Variants in PRKCI observed in about 807,000 individuals in gnomAD.
PRKCI encodes the protein protein kinase C iota type.
Under a neutral mutation model 84.0 loss-of-function variants are expected in PRKCI, and 43 were observed. The observed-to-expected ratio is 0.51, with a 90% CI of 0.40 to 0.66. The LOEUF (loss-of-function observed/expected upper bound fraction) is 0.66. Ranked by LOEUF, PRKCI falls within the 30% of genes least tolerant of loss-of-function variation. PRKCI has a pLI of 0.00. For synonymous variants in PRKCI, 216 were observed against 234.4 expected (o/e 0.92, Z 0.72); for missense variants, 459 against 745.6 (o/e 0.62, Z 4.48).
chr3:170,282,687 ACT>A (rs1167518503), intron 11 of PRKCI, among the ~76,000 whole-genome samples: 6 of 143,828 alleles, frequency 4.2e-5, no homozygotes, highest in East Asian at 2.1e-4. Flanking sequence ...ACAGAGCAAG[ACT>A]CTGTCTCAAA....
chr3:170,260,271 A>G (rs9836059), intron 3 of PRKCI, among the ~76,000 whole-genome samples: 12,344 of 152,154 alleles, frequency 0.081, 1,203 homozygotes, highest in African/African-American at 0.23. Flanking sequence ...TGGTCTCTGT[A>G]TGTCTTGTTG....
At chr3:170,283,088 G>A (rs1310932670) in intron 11 of PRKCI, among the ~76,000 whole-genome samples, 2 of 149,860 alleles carry the variant, frequency 1.3e-5, no homozygotes, top group Non-Finnish European at 3.0e-5. Flanking sequence ...CTGGGTGAAA[G>A]AGCGAGACTC....
intron 2 of PRKCI, among the ~76,000 whole-genome samples, chr3:170,237,396 G>T (rs1039678055): frequency 6.6e-6 from 1 of 152,124 alleles, no homozygotes; most frequent in Non-Finnish European, 1.5e-5. Flanking sequence ...GGGTGGGTTG[G>T]GGGTGAGGGA....
intron 2 of PRKCI, among the ~76,000 whole-genome samples, chr3:170,243,722 G>C (rs1313735465): frequency 2.0e-5 from 3 of 152,244 alleles, no homozygotes; most frequent in Admixed American, 6.5e-5. Context: ...GTCTATGCCT[G>C]TTAGTCCCTG....
At chr3:170,246,342 A>C (rs1264627811) in intron 2 of PRKCI, among the ~76,000 whole-genome samples, 5 of 151,912 alleles carry the variant, frequency 3.3e-5, no homozygotes, top group African/African-American at 1.2e-4. Flanking sequence ...TAGTGGAAAC[A>C]GGGTTTTGCC....
intron 2 of PRKCI, among the ~76,000 whole-genome samples, chr3:170,257,738 C>T (rs185841538): frequency 0.016 from 2,350 of 142,696 alleles, 38 homozygotes; most frequent in East Asian, 0.09. Flanking sequence ...GATCTCGGTT[C>T]GCTGCAACCT....
At position 170,293,433 on chromosome 3, in the gene PRKCI, G is replaced by A; in HGVS notation, c.1342G>A (p.Ala448Thr). The A allele has an allele frequency of 6.2e-7, 1 of 1,613,528 alleles. No individual in the cohort carries two copies. The change falls in exon 14 of 18, where the codon GCA (alanine) becomes ACA (threonine). Residue 448 changes from alanine to threonine, a missense_variant. By Grantham distance (58) the Ala-to-Thr change is moderately conservative. Around this residue, in one of 2 missense-constraint regions of PRKCI, gnomAD observed 209 missense variants for 425.9 expected, o/e 0.49. Transcript: ENST00000295797. ...ALGVLMFEMM[A>T]GRSPFDIVGS... is the part of the protein sequence containing the mutation. Reference sequence around the variant, plus strand: ...TGGAGTGCTCATGTTTGAGATGATGGCAGGAAGGTCTCCATTTGATATTGT... The same window carrying A: ...TGGAGTGCTCATGTTTGAGATGATGACAGGAAGGTCTCCATTTGATATTGT...
chr3:170,228,644 T>C (rs1427156757), intron 1 of PRKCI, among the ~76,000 whole-genome samples: 1 of 150,316 alleles, frequency 6.7e-6, no homozygotes, highest in Non-Finnish European at 1.5e-5. Flanking sequence ...CACACACATA[T>C]ACATACACAC....
In PRKCI at chr3:170,304,626, A is replaced by C. The variant is rs1320765257; in HGVS notation, c.*1499A>C. ...TGAGTTTTTATTAACTAGATAACAC[A>C]TGTAATACATAGTAGAATACATTTC... is the stretch of plus-strand genomic sequence containing the variant. On this transcript the variant is annotated 3_prime_UTR_variant, in exon 18 of 18. Transcript: ENST00000295797. The C allele has an allele frequency of 6.6e-6, 1 of 152,120 alleles. No homozygotes were observed. The highest frequency in any genetic ancestry group is 6.6e-5 in the Admixed American group (1 of 15,256). 9.4% of individuals were successfully genotyped at this position (152,120 alleles called of 1,614,324 possible). A position where few individuals can be genotyped will look rare whatever the true frequency, so the allele number is the denominator to read the frequency against.
chr3:170,263,863 A>G (rs1733793811), intron 4 of PRKCI, among the ~76,000 whole-genome samples: 1 of 152,172 alleles, frequency 6.6e-6, no homozygotes, highest in South Asian at 2.1e-4. Context: ...TTTTCAGTCA[A>G]TTTAGAATAT....
intron 10 of PRKCI, chr3:170,281,574 G>C (rs1000952521): frequency 2.5e-6 from 1 of 403,576 alleles, no homozygotes; most frequent in Admixed American, 4.2e-5. Flanking sequence ...TTAACAAGGA[G>C]GAAAAATACC....
intron 5 of PRKCI, among the ~76,000 whole-genome samples, chr3:170,268,643 T>C (rs563982942): frequency 7.9e-4 from 120 of 152,344 alleles, no homozygotes; most frequent in African/African-American, 2.8e-3. Context: ...GTGTTGTAAT[T>C]TGATTTTCAC....
intron 4 of PRKCI, among the ~76,000 whole-genome samples, chr3:170,264,731 A>G (rs1733815576): frequency 6.6e-6 from 1 of 152,234 alleles, no homozygotes; most frequent in Admixed American, 6.5e-5. Context: ...TGGACACATT[A>G]AAATTGTGGG....
chr3:170,256,122 GAT>G (rs1733577308), intron 2 of PRKCI, among the ~76,000 whole-genome samples: 2 of 152,118 alleles, frequency 1.3e-5, no homozygotes, highest in African/African-American at 4.8e-5. Context: ...GTTCATCAGA[GAT>G]ATTGACCTGT....
intron 8 of PRKCI, among the ~76,000 whole-genome samples, chr3:170,276,610 C>T (rs182299362): frequency 1.9e-4 from 29 of 151,860 alleles, no homozygotes; most frequent in African/African-American, 7.0e-4. Flanking sequence ...CACCACTGGA[C>T]CCTCATCACA....
At chr3:170,283,880 G>A (rs1734313233) in intron 11 of PRKCI, among the ~76,000 whole-genome samples, 3 of 152,106 alleles carry the variant, frequency 2.0e-5, no homozygotes, top group Admixed American at 2.0e-4. Context: ...AAAAGTTCTG[G>A]GTTGTCACCA....
rs1007420750 is a variant in PRKCI, at chr3:170,231,550, C to T, written c.102-3680C>T. ...CGTGATCTCGGCTCACTGCAACCTC[C>T]GCGTCCCAAGTTCAAGTGATTCTCC... On this transcript the variant is annotated intron_variant, in intron 1 of 17. Coordinates refer to ENST00000295797, the MANE Select transcript of PRKCI (RefSeq NM_002740.6). Among the ~76,000 whole-genome samples the T allele has an allele frequency of 3.3e-5, 5 of 151,884 alleles. No individual in the cohort carries two copies. The South Asian group carries it at 6.2e-4, about 19-fold the overall frequency.
intron 5 of PRKCI, 22 bp from the exon 6 acceptor site, chr3:170,270,399 A>G (rs1356039890): frequency 6.3e-7 from 1 of 1,576,338 alleles, no homozygotes; most frequent in Non-Finnish European, 8.6e-7. Context: ...TTAATAAAAT[A>G]TTGTTGAATT....
intron 6 of PRKCI, among the ~76,000 whole-genome samples, chr3:170,272,236 A>G (rs1047987097): frequency 1.3e-5 from 2 of 152,204 alleles, no homozygotes; most frequent in Admixed American, 6.5e-5. Flanking sequence ...GGATGCAGCT[A>G]TCTAAGCACA....
Sources: allele counts gnomAD v4.1 joint callset (sites outside exome capture counted in the v4.1 genomes callset), GRCh38; gene constraint gnomAD v4.1.1; regional missense constraint gnomAD v4.1.1; transcripts MANE v1.5; gene names NCBI Gene and HGNC (gene_info 2026-07-23, HGNC 2026-07-21).